DIP2A: variants seen among roughly 807,000 people sequenced by gnomAD.
DIP2A encodes the protein DIP2 acetate--CoA ligase A.
In DIP2A, 85 loss-of-function variants were observed where a neutral mutation model predicts 177.4. The observed-to-expected ratio is 0.48, with a 90% CI of 0.40 to 0.57. The LOEUF (loss-of-function observed/expected upper bound fraction) is 0.57, where lower values mean the gene tolerates loss of function less well. DIP2A is among the 20% of genes least tolerant of loss of function. DIP2A has a pLI of 0.00. For synonymous variants in DIP2A, 886 were observed against 881.8 expected (o/e 1.00, Z -0.08); for missense variants, 1,791 against 2,100.2 (o/e 0.85, Z 2.88).
At chr21:46,534,423 A>G (rs2059478622) in intron 12 of DIP2A, among the ~76,000 whole-genome samples, 162 bp from the exon 13 acceptor site, 1 of 152,182 alleles carries the variant, frequency 6.6e-6, no homozygotes, top group Non-Finnish European at 1.5e-5. Context: ...GCATCCCCTC[A>G]GCGGCCAGGG....
At chr21:46,479,848 A>G (rs143347215) in intron 1 of DIP2A, among the ~76,000 whole-genome samples, 1 of 152,276 alleles carries the variant, frequency 6.6e-6, no homozygotes, top group Non-Finnish European at 1.5e-5. Context: ...AATAATTTAA[A>G]TTGCAGTCAG....
chr21:46,498,822 A>G lies in DIP2A; in HGVS notation c.644A>G (p.His215Arg), dbSNP rs780778605. The G allele has an allele frequency of 2.5e-6, 4 of 1,613,180 alleles. No homozygotes were observed. Among genetic ancestry groups the G allele is most frequent in the Non-Finnish European group, 3.4e-6 (4 of 1,179,506 alleles). Residue 215 changes from histidine to arginine, a missense_variant, in exon 5 of 38, where the codon CAC (histidine) becomes CGC (arginine). Physicochemically the swap from His to Arg is conservative, Grantham distance 29. Transcript: ENST00000417564. The surrounding 1 kb of genome is among the most constrained non-coding windows in gnomAD (Gnocchi z 4.3). ...ACTGCACTCGCAGGCCTCGAGGCCC[A>G]CACCCACATAGGTCAGTAATAAGCT... Reference protein sequence around the residue: ...ATTALAGLEAHTHIDLHSAPP... With the variant: ...ATTALAGLEARTHIDLHSAPP...
intron 18 of DIP2A, among the ~76,000 whole-genome samples, chr21:46,543,560 C>CAGGCATGCACGCAGCACTCCCCG (rs1225238988): frequency 6.6e-6 from 1 of 152,214 alleles, no homozygotes; most frequent in South Asian, 2.1e-4. Flanking sequence ...GGCACTCCCC[C>CAGGCATGCACGCAGCACTCCCCG]AGGTGGACCC....
intron 8 of DIP2A, among the ~76,000 whole-genome samples, chr21:46,527,616 G>A (rs1160529484): frequency 2.6e-5 from 4 of 151,808 alleles, no homozygotes; most frequent in Non-Finnish European, 1.5e-5. Flanking sequence ...ATGAGTCACC[G>A]TGCCCAGTCT....
chr21:46,549,754 C>T lies in DIP2A; in HGVS notation c.2523-17C>T, dbSNP rs951185011. 2.5e-6 allele frequency: 4 copies of T among 1,612,858 alleles called. No individual in the cohort carries two copies. The African/African-American group carries it at 4.0e-5, about 16-fold the overall frequency. ...TGGCCTCTTGCCGTGTGGCCATTTC[C>T]ATGTCTCATCCCGCAGGATCGCTGT... is the stretch of plus-strand genomic sequence containing the variant. On this transcript the variant is annotated splice_polypyrimidine_tract_variant and intron_variant, in intron 21 of 37. Coordinates refer to ENST00000417564, the MANE Select transcript of DIP2A (RefSeq NM_015151.4).
intron 8 of DIP2A, among the ~76,000 whole-genome samples, chr21:46,517,305 C>A (rs1156957418): frequency 6.6e-6 from 1 of 151,874 alleles, no homozygotes; most frequent in African/African-American, 2.4e-5. Context: ...TCTTGAACTC[C>A]TGGGCTCAAG....
In DIP2A at chr21:46,538,524, C is replaced by T; in HGVS notation, c.1843C>T (p.Leu615Phe). 6.4e-7 allele frequency: 1 copy of T among 1,558,992 alleles called. No homozygotes were observed. Among genetic ancestry groups the T allele is most frequent in the East Asian group, 2.4e-5 (1 of 41,636 alleles). ...LVKSRDMHWS[L>F]LAQRGQRDVS... ...GAAGTCGCGAGACATGCACTGGTCT[C>T]TCCTAGCTCAGCGGGGCCAGAGGGA... is the stretch of plus-strand genomic sequence containing the variant. The change falls in exon 16 of 38, where the codon CTC becomes TTC. Residue 615 changes from leucine to phenylalanine, a missense_variant. By Grantham distance (22) the Leu-to-Phe change is conservative. Coordinates refer to ENST00000417564, the MANE Select transcript of DIP2A (RefSeq NM_015151.4).
intron 8 of DIP2A, among the ~76,000 whole-genome samples, chr21:46,514,630 TTTTTTTTTTTG>T (rs1324033856): frequency 5.7e-5 from 8 of 140,206 alleles, no homozygotes; most frequent in East Asian, 2.0e-4. Context: ...TTTTTTTTTT[TTTTTTTTTTTG>T]GTTTTTTTTT....
At chr21:46,539,761 A>G (rs768984210) in intron 16 of DIP2A, 116 bp from the exon 17 acceptor site, 3 of 843,230 alleles carry the variant, frequency 3.6e-6, no homozygotes, top group South Asian at 1.3e-5. Flanking sequence ...CCTTCTGCTG[A>G]TGCAGCCCTG....
chr21:46,537,571 T>G lies in DIP2A; in HGVS notation c.1801+32T>G, dbSNP rs1569063927. The G allele has an allele frequency of 1.3e-6, 2 of 1,597,414 alleles. No individual in the cohort carries two copies. The highest frequency in any genetic ancestry group is 1.7e-6 in the Non-Finnish European group (2 of 1,167,388). Reference sequence around the variant, plus strand: ...GATACCATGGTCAGGGCCTTCACCCTTCTTTAGGGAAATCTCTTTGAACTG... The same window carrying G: ...GATACCATGGTCAGGGCCTTCACCCGTCTTTAGGGAAATCTCTTTGAACTG... On this transcript the variant is annotated intron_variant, in intron 15 of 37. Transcript: ENST00000417564. The surrounding 1 kb of genome is among the most constrained non-coding windows in gnomAD (Gnocchi z 4.1).
the DIP2A span, among the ~76,000 whole-genome samples, chr21:46,576,252 A>G: frequency 1.3e-5 from 2 of 151,972 alleles, no homozygotes; most frequent in African/African-American, 4.8e-5. Flanking sequence ...TGCATTAGCT[A>G]TTTTTCCTGA....
intron 8 of DIP2A, among the ~76,000 whole-genome samples, chr21:46,511,892 A>T (rs775781924): frequency 1.3e-5 from 2 of 152,162 alleles, no homozygotes; most frequent in Non-Finnish European, 1.5e-5. Flanking sequence ...ACTTTGTATA[A>T]GGGGAATCAG....
At position 46,560,768 on chromosome 21, in the gene DIP2A, C is replaced by T; in HGVS notation, c.4016C>T (p.Ala1339Val). 1.9e-6 allele frequency: 3 copies of T among 1,607,462 alleles called. No homozygotes were observed. Among genetic ancestry groups the T allele is most frequent in the Non-Finnish European group, 2.5e-6 (3 of 1,177,186 alleles). The change falls in exon 33 of 38, where the codon GCA becomes GTA. Residue 1339 changes from alanine to valine, a missense_variant. Physicochemically the swap from Ala to Val is moderately conservative, Grantham distance 64. Coordinates refer to ENST00000417564, the MANE Select transcript of DIP2A (RefSeq NM_015151.4). ...ACAACCGTCTACGTGGACATGCGGGCACTGCGCCATGACAGGTAATGCTCC... is the reference window on the plus strand; with the variant it reads ...ACAACCGTCTACGTGGACATGCGGGTACTGCGCCATGACAGGTAATGCTCC... ...DPTTVYVDMR[A>V]LRHDRVRLVE...
At chr21:46,515,770 T>C (rs2058546441) in intron 8 of DIP2A, among the ~76,000 whole-genome samples, 4 of 152,122 alleles carry the variant, frequency 2.6e-5, no homozygotes, top group Admixed American at 2.6e-4. Context: ...ACTCCTGAGC[T>C]CAAGCAGTCT....
At chr21:46,548,181 C>CGTGTGT (rs151337762) in intron 21 of DIP2A, among the ~76,000 whole-genome samples, 2,094 of 147,644 alleles carry the variant, frequency 0.014, 41 homozygotes, top group African/African-American at 0.042. Context: ...TGCATGTGTG[C>CGTGTGT]GTGTGTGTGT....
intron 6 of DIP2A, among the ~76,000 whole-genome samples, chr21:46,505,896 A>G (rs2057954841): frequency 6.6e-6 from 1 of 152,238 alleles, no homozygotes; most frequent in Non-Finnish European, 1.5e-5. Context: ...GTTCTGTATC[A>G]ATAGTTTACT....
chr21:46,472,551 C>T (rs562908740), intron 1 of DIP2A, among the ~76,000 whole-genome samples: 1 of 152,268 alleles, frequency 6.6e-6, no homozygotes, highest in Admixed American at 6.5e-5. Context: ...GTACAGTTTC[C>T]TTGAGCTTTG....
In DIP2A at chr21:46,565,669, GGT is replaced by G. The variant is rs754117209; in HGVS notation, c.4165-42_4165-41del. 25 of 1,564,244 alleles carry G rather than the reference GGT, an allele frequency of 1.6e-5. No homozygotes were observed. The South Asian group carries it at 2.9e-4, about 18-fold the overall frequency. On this transcript the variant is annotated intron_variant, in intron 35 of 37. Coordinates refer to ENST00000417564, the MANE Select transcript of DIP2A (RefSeq NM_015151.4). ...ATGTCTCGTGACAGAATCTGAACTC[GGT>G]GGTTGGTAACACATCACATTCTTGT...
At position 46,537,691 on chromosome 21, in the gene DIP2A, C is replaced by T. The variant is rs889297289; in HGVS notation, c.1801+152C>T. Reference sequence around the variant, plus strand: ...CGTCTTTCTTGGTCACACCCCTGCCCAGGAATATGGGGGCTTTCTCTGCCT... The same window carrying T: ...CGTCTTTCTTGGTCACACCCCTGCCTAGGAATATGGGGGCTTTCTCTGCCT... On this transcript the variant is annotated intron_variant, in intron 15 of 37. Transcript: ENST00000417564. The surrounding 1 kb of genome is among the most constrained non-coding windows in gnomAD (Gnocchi z 4.1). Among the ~76,000 whole-genome samples the T allele has an allele frequency of 6.6e-6, 1 of 152,218 alleles. No individual in the cohort carries two copies. Among genetic ancestry groups the T allele is most frequent in the East Asian group, 1.9e-4 (1 of 5,200 alleles).
Sources: allele counts gnomAD v4.1 joint callset (sites outside exome capture counted in the v4.1 genomes callset), GRCh38; gene constraint gnomAD v4.1.1; non-coding constraint Gnocchi (gnomAD v3.1); transcripts MANE v1.5; gene names NCBI Gene and HGNC (gene_info 2026-07-23, HGNC 2026-07-21).